Variants in HELLS observed in about 807,000 individuals in gnomAD.
HELLS encodes helicase, lymphoid specific, also known as lymphoid-specific helicase.
HELLS carries 32 observed loss-of-function variants against 120.0 expected under a neutral mutation model. The ratio of observed to expected loss-of-function variants is 0.27; its 90% CI spans 0.20 to 0.36. The LOEUF is 0.36. Among genes scored for constraint, HELLS ranks in the 10% least tolerant of loss-of-function variants. The probability of loss-of-function intolerance (pLI) is 1.00; values close to 1 mark genes in which losing one functional copy is unlikely to be tolerated. For synonymous variants in HELLS, 341 were observed against 323.4 expected, an observed-to-expected ratio of 1.05 and a Z score of -0.58; for missense variants, 650 against 993.4, an observed-to-expected ratio of 0.65 and a Z score of 4.65.
intron 2 of HELLS, among the ~76,000 whole-genome samples, chr10:94,547,534 A>G (rs747782204): frequency 2.6e-5 from 4 of 152,200 alleles, no homozygotes; most frequent in Admixed American, 6.5e-5. Context: ...ATACTTCTTG[A>G]ACATTTATTA....
At chr10:94,609,823 A>G (rs1846170569) in intron 9 of HELLS, 2 of 152,178 alleles carry the variant, frequency 1.3e-5, no homozygotes, top group Non-Finnish European at 2.9e-5. Flanking sequence ...ACTTGTTTCT[A>G]CATTTTTCAT....
At chr10:94,608,297 A>C (rs1337515424) in intron 9 of HELLS, among the ~76,000 whole-genome samples, 1 of 152,216 alleles carries the variant, frequency 6.6e-6, no homozygotes, top group East Asian at 1.9e-4. Flanking sequence ...CTTTTTAGAA[A>C]TCTTACATAT....
Position 94,554,249 on chromosome 10 carries a change from G to A in HELLS, c.276+1G>A. The A allele has an allele frequency of 6.5e-7, 1 of 1,537,052 alleles. No homozygotes were observed. The highest frequency in any genetic ancestry group is 8.7e-7 in the Non-Finnish European group (1 of 1,147,934). ...GAAAATGGAACAGCAACAATTAGAGGTATGTATATGTAACTGACTACAAGT... is the reference window on the plus strand; with the variant it reads ...GAAAATGGAACAGCAACAATTAGAGATATGTATATGTAACTGACTACAAGT... On this transcript the variant is annotated splice_donor_variant, in intron 3 of 21. Coordinates refer to ENST00000348459, the MANE Select transcript of HELLS (RefSeq NM_018063.5). LOFTEE classifies it high-confidence loss of function.
intron 2 of HELLS, among the ~76,000 whole-genome samples, chr10:94,552,085 T>C (rs183968508): frequency 6.6e-6 from 1 of 152,188 alleles, no homozygotes; most frequent in African/African-American, 2.4e-5. Context: ...TCAATTACTT[T>C]CCTCTTAAGT....
Position 94,588,247 on chromosome 10 carries a change from T to G in HELLS, c.1345T>G (p.Leu449Val), listed in dbSNP as rs1317830811. 3 of 1,597,466 alleles carry G rather than the reference T, an allele frequency of 1.9e-6. No individual in the cohort carries two copies. The Admixed American group carries it at 5.2e-5, about 28-fold the overall frequency. The change falls in exon 13 of 22, where the codon TTG becomes GTG. Residue 449 changes from leucine (L) to valine (V), a missense_variant. Physicochemically the swap from Leu to Val is conservative, Grantham distance 32 (BLOSUM62 1). Coordinates refer to ENST00000348459, the MANE Select transcript of HELLS (RefSeq NM_018063.5). ...ATTTTAGATTTTAACACCTTTCTTA[T>G]TGAGAAGACTGAAGTCTGATGTTGC... ...MLHQILTPFLLRRLKSDVALE... is the reference protein window; with the variant it reads ...MLHQILTPFLVRRLKSDVALE...
rs1259193653 is a variant in HELLS at position 94,590,453 on chromosome 10, G to A, written c.1529G>A (p.Arg510Gln). The change falls in exon 14 of 22, where the codon CGA becomes CAA. Residue 510 changes from arginine to glutamine, a missense_variant. This residue lies in a region of HELLS where 191 missense variants were observed against 259.7 expected (regional missense o/e 0.74). Coordinates refer to ENST00000348459, the MANE Select transcript of HELLS (RefSeq NM_018063.5). ...IELSPTGRPK[R>Q]RTRKSINYSK... ...TTAAGTCCTACTGGTCGACCAAAAC[G>A]ACGAACTAGAAAATCAATAAATTAC... 3.1e-6 allele frequency: 5 copies of A among 1,609,758 alleles called. No individual in the cohort carries two copies. The highest frequency in any genetic ancestry group is 2.7e-5 in the African/African-American group (2 of 74,622).
chr10:94,571,528 T>C, intron 7 of HELLS, 99 bp downstream of exon 7: 2 of 972,670 alleles, frequency 2.1e-6, no homozygotes, highest in Non-Finnish European at 2.9e-6. Flanking sequence ...CTTCTCACTA[T>C]TATCCTGTTT....
At chr10:94,610,181 T>C (rs1846175374) in exon 10 of HELLS, 1 of 152,210 alleles carries the variant, frequency 6.6e-6, no homozygotes, top group Non-Finnish European at 1.5e-5. Context: ...TCCATGAGAT[T>C]GAGCATCTTG....
chr10:94,596,850 T>A lies in HELLS; in HGVS notation c.2249-10T>A, dbSNP rs1320196504. The A allele has an allele frequency of 7.7e-7, 1 of 1,298,330 alleles. No homozygotes were observed. Among genetic ancestry groups the A allele is most frequent in the Non-Finnish European group, 1.1e-6 (1 of 910,828 alleles). 80.4% of individuals were successfully genotyped at this position (1,298,330 alleles called of 1,614,324 possible). On this transcript the variant is annotated splice_polypyrimidine_tract_variant and intron_variant, in intron 19 of 21. Coordinates refer to ENST00000348459, the MANE Select transcript of HELLS (RefSeq NM_018063.5). ...GAATTTTAATGTTTTTAATTTCTCA[T>A]TTTTTTTAGATCATTTCAAAGGTGG...
intron 17 of HELLS, 70 bp from the exon 18 acceptor site, chr10:94,593,429 C>A: frequency 1.1e-6 from 1 of 940,378 alleles, no homozygotes; most frequent in South Asian, 1.4e-5. Context: ...TAATTGAAAA[C>A]ATTTTTCTCC....
chr10:94,599,235 G>C (rs1221702692), intron 21 of HELLS, among the ~76,000 whole-genome samples: 1 of 152,018 alleles, frequency 6.6e-6, no homozygotes, highest in Non-Finnish European at 1.5e-5. Context: ...CATTATGTGA[G>C]GCATGTAAGG....
intron 10 of HELLS, among the ~76,000 whole-genome samples, chr10:94,580,214 T>C (rs1465172679): frequency 7.8e-6 from 1 of 127,766 alleles, no homozygotes; most frequent in Non-Finnish European, 1.6e-5. Context: ...TGAGACAGTC[T>C]CACTCTGTCA....
intron 9 of HELLS, among the ~76,000 whole-genome samples, chr10:94,575,771 TTGTGTGTGTGTGTGTGTGTGTGTG>T (rs71031588): frequency 4.9e-5 from 6 of 122,772 alleles, no homozygotes; most frequent in African/African-American, 6.2e-5. Context: ...GGGGTTGTGT[TTGTGTGTGTGTGTGTGTGTGTGTG>T]TGTGTGTGTG....
At chr10:94,605,738 C>G (rs1484492079), downstream of HELLS, among the ~76,000 whole-genome samples, 1 of 149,370 alleles carries the variant, frequency 6.7e-6, no homozygotes, top group Non-Finnish European at 1.5e-5. Context: ...CTCAAGTGAT[C>G]CTCCTGCCTC....
Position 94,573,300 on chromosome 10 carries a change from C to T in HELLS, c.478-660C>T, listed in dbSNP as rs961086495. 3.3e-5 allele frequency among the ~76,000 whole-genome samples: 5 copies of T among 151,920 alleles called. No homozygotes were observed. The South Asian group carries it at 6.2e-4, about 19-fold the overall frequency. On this transcript the variant is annotated intron_variant, in intron 7 of 21. Coordinates refer to ENST00000348459, the MANE Select transcript of HELLS (RefSeq NM_018063.5). ...AAAGTATCTGTTAATATCTTTTGCC[C>T]GTCTTATTTATGCGTACTGTATTTT...
In HELLS at chr10:94,590,596, C is replaced by T. The variant is rs998325398; in HGVS notation, c.1629-42C>T. The T allele has an allele frequency of 8.1e-6, 13 of 1,607,718 alleles. 1 individual carries two copies. In the Admixed American group the frequency reaches 1.0e-4, roughly 13 times the overall value. The stretch of plus-strand genomic sequence containing the variant: ...ATTTAAGTATTCTTTAAACTGTGAC[C>T]ATTTTTTGCATTTCCCATATATGCA... On this transcript the variant is annotated intron_variant, in intron 14 of 21. Transcript: ENST00000348459.
At chr10:94,546,593 T>C in intron 2 of HELLS, 95 bp downstream of exon 2, 1 of 1,381,924 alleles carries the variant, frequency 7.2e-7, no homozygotes, top group Non-Finnish European at 1.0e-6. Flanking sequence ...TCCTATTTAG[T>C]GGGCTTTTTA....
intron 13 of HELLS, 46 bp downstream of exon 13, chr10:94,588,436 A>C: frequency 7.1e-7 from 1 of 1,415,986 alleles, no homozygotes; most frequent in Non-Finnish European, 9.4e-7. Flanking sequence ...TGACATATAA[A>C]ATTTCTCTTT....
chr10:94,573,558 C>T (rs932143950), intron 7 of HELLS, among the ~76,000 whole-genome samples: 1 of 151,920 alleles, frequency 6.6e-6, no homozygotes, highest in African/African-American at 2.4e-5. Flanking sequence ...CCTTGACTTC[C>T]TGGGTTTAAG....
Sources: allele counts gnomAD v4.1 joint callset (sites outside exome capture counted in the v4.1 genomes callset), GRCh38; gene constraint gnomAD v4.1.1; regional missense constraint gnomAD v4.1.1; transcripts MANE v1.5; gene names NCBI Gene and HGNC (gene_info 2026-07-23, HGNC 2026-07-21).